IMMP2L: variants seen among roughly 807,000 people sequenced by gnomAD.
IMMP2L encodes the protein mitochondrial inner membrane protease subunit 2.
In IMMP2L, 18 loss-of-function variants were observed where a neutral mutation model predicts 19.3. The ratio of observed to expected loss-of-function variants is 0.93; its 90% CI spans 0.64 to 1.38. The LOEUF (loss-of-function observed/expected upper bound fraction) is 1.38, where lower values mean the gene tolerates loss of function less well. Among genes scored for constraint, IMMP2L ranks in the 40% most tolerant of loss-of-function variants. IMMP2L has a pLI of 0.00. For missense variants in IMMP2L, 233 were observed against 218.2 expected, an observed-to-expected ratio of 1.07 and a Z score of -0.43; for synonymous variants, 76 against 73.0, an observed-to-expected ratio of 1.04 and a Z score of -0.21.
At chr7:110,810,012 T>C (rs1801912805) in intron 5 of IMMP2L, among the ~76,000 whole-genome samples, 1 of 152,062 alleles carries the variant, frequency 6.6e-6, no homozygotes, top group East Asian at 1.9e-4. Flanking sequence ...TCTAAGAGGT[T>C]GGTGGCTGGT....
chr7:111,181,016 T>C (rs10273636), intron 3 of IMMP2L, among the ~76,000 whole-genome samples: 137,136 of 151,986 alleles, frequency 0.9, 62,364 homozygotes, highest in Non-Finnish European at 0.96. Context: ...TTTCTATACT[T>C]TTACTATACC....
At chr7:111,280,812 G>A (rs1195315225) in intron 3 of IMMP2L, among the ~76,000 whole-genome samples, 3 of 152,098 alleles carry the variant, frequency 2.0e-5, no homozygotes, top group Non-Finnish European at 4.4e-5. Context: ...GCTCAGGCCT[G>A]TAATCCCAGG....
chr7:111,037,936 C>T (rs1170997160), intron 3 of IMMP2L, among the ~76,000 whole-genome samples: 1 of 152,032 alleles, frequency 6.6e-6, no homozygotes, highest in African/African-American at 2.4e-5. Flanking sequence ...AAAAAAGTTG[C>T]GGGGATATCT....
chr7:111,491,222 CATATAAAA>C (rs781399359), intron 2 of IMMP2L, among the ~76,000 whole-genome samples: 4 of 152,070 alleles, frequency 2.6e-5, no homozygotes, highest in Non-Finnish European at 5.9e-5. Context: ...ATACATATAG[CATATAAAA>C]ATATGTGTTA....
At chr7:111,259,408 G>A (rs1356747656) in intron 3 of IMMP2L, among the ~76,000 whole-genome samples, 3 of 152,180 alleles carry the variant, frequency 2.0e-5, no homozygotes, top group Non-Finnish European at 4.4e-5. Flanking sequence ...GCCAAGGCAA[G>A]AGGATCACTC....
At chr7:111,040,946 C>T (rs1791838559) in intron 3 of IMMP2L, among the ~76,000 whole-genome samples, 1 of 151,788 alleles carries the variant, frequency 6.6e-6, no homozygotes, top group South Asian at 2.1e-4. Flanking sequence ...AATACTGATG[C>T]TATTACTTGG....
At chr7:111,071,625 C>A (rs1794958589) in intron 3 of IMMP2L, among the ~76,000 whole-genome samples, 1 of 151,970 alleles carries the variant, frequency 6.6e-6, no homozygotes, top group Admixed American at 6.6e-5. Context: ...GTGAAAGAAT[C>A]CAGACATAAT....
At chr7:111,008,782 G>T (rs1222475742) in intron 3 of IMMP2L, among the ~76,000 whole-genome samples, 7 of 152,012 alleles carry the variant, frequency 4.6e-5, no homozygotes, top group African/African-American at 1.7e-4. Flanking sequence ...GTAGTGAGGG[G>T]GAAGTAATTG....
At chr7:111,531,982 G>A (rs1321858968) in intron 1 of IMMP2L, among the ~76,000 whole-genome samples, 2 of 151,634 alleles carry the variant, frequency 1.3e-5, no homozygotes, top group Non-Finnish European at 2.9e-5. Context: ...AATTAAGAAG[G>A]CCTATAAATG....
rs907427079 is a variant in IMMP2L at position 110,728,407 on chromosome 7, G to A, written c.409-64686C>T. Among the ~76,000 whole-genome samples the A allele has an allele frequency of 2.6e-5, 4 of 152,166 alleles. No homozygotes were observed. Among genetic ancestry groups the A allele is most frequent in the East Asian group, 1.9e-4 (1 of 5,174 alleles). Reference sequence around the variant, plus strand: ...CCAGCTACTCGGGAGGCTGAGGCACGAGAATCGCTTGAACCTGGGAGGCAG... The same window carrying A: ...CCAGCTACTCGGGAGGCTGAGGCACAAGAATCGCTTGAACCTGGGAGGCAG... On this transcript the variant is annotated intron_variant, in intron 5 of 5. Transcript: ENST00000405709. The surrounding 1 kb of genome is among the most constrained non-coding windows in gnomAD (Gnocchi z 4.6).
chr7:111,237,157 T>A (rs1363037327), intron 3 of IMMP2L, among the ~76,000 whole-genome samples: 1 of 152,160 alleles, frequency 6.6e-6, no homozygotes, highest in Admixed American at 6.6e-5. Flanking sequence ...CACCCAGATA[T>A]AATGTCTCAC....
At chr7:110,807,963 C>T (rs118097298) in intron 5 of IMMP2L, among the ~76,000 whole-genome samples, 1,658 of 152,040 alleles carry the variant, frequency 0.011, 23 homozygotes, top group Middle Eastern at 0.037. Flanking sequence ...TACACACAGC[C>T]TGAAGGTTTT....
At chr7:110,852,245 T>TGGATGG (rs1563025449) in intron 5 of IMMP2L, among the ~76,000 whole-genome samples, 1 of 126,716 alleles carries the variant, frequency 7.9e-6, no homozygotes, top group African/African-American at 3.2e-5. Context: ...TGGATGGATG[T>TGGATGG]ATACACATAT....
intron 3 of IMMP2L, among the ~76,000 whole-genome samples, chr7:111,034,880 C>T (rs1485901741): frequency 6.6e-6 from 1 of 152,110 alleles, no homozygotes; most frequent in Non-Finnish European, 1.5e-5. Flanking sequence ...ATACTTAATA[C>T]TTAGTAAGAG....
At chr7:111,278,269 C>T (rs1282360951) in intron 3 of IMMP2L, among the ~76,000 whole-genome samples, 1 of 152,128 alleles carries the variant, frequency 6.6e-6, no homozygotes, top group African/African-American at 2.4e-5. Context: ...ATTTACAGTG[C>T]TTCTCAACAA....
At chr7:111,173,090 C>T (rs996137522) in intron 3 of IMMP2L, among the ~76,000 whole-genome samples, 4 of 151,380 alleles carry the variant, frequency 2.6e-5, no homozygotes, top group Middle Eastern at 3.2e-3. Flanking sequence ...TCATAAAAAG[C>T]CCCAGGAGAT....
At chr7:110,931,097 G>A (rs1352377714) in intron 4 of IMMP2L, among the ~76,000 whole-genome samples, 1 of 152,152 alleles carries the variant, frequency 6.6e-6, no homozygotes, top group Non-Finnish European at 1.5e-5. Context: ...TGGGGGATGA[G>A]AGGTGGTAAC....
intron 3 of IMMP2L, among the ~76,000 whole-genome samples, chr7:111,325,592 T>G (rs972617386): frequency 6.6e-6 from 1 of 151,768 alleles, no homozygotes; most frequent in Non-Finnish European, 1.5e-5. Flanking sequence ...AGTGTTTTAA[T>G]AGTATAAATC....
At chr7:110,818,379 G>A (rs1802725582) in intron 5 of IMMP2L, among the ~76,000 whole-genome samples, 2 of 152,104 alleles carry the variant, frequency 1.3e-5, no homozygotes, top group Admixed American at 1.3e-4. Flanking sequence ...ATCATCACTG[G>A]CCATCAGAGA....
Sources: allele counts gnomAD v4.1 joint callset (sites outside exome capture counted in the v4.1 genomes callset), GRCh38; gene constraint gnomAD v4.1.1; non-coding constraint Gnocchi (gnomAD v3.1); transcripts MANE v1.5; gene names NCBI Gene and HGNC (gene_info 2026-07-23, HGNC 2026-07-21).